The following RAB11FIP4 variants were observed in gnomAD, a reference collection of about 807,000 sequenced individuals.
RAB11FIP4 encodes the protein rab11 family-interacting protein 4.
Under a neutral mutation model 74.3 loss-of-function variants are expected in RAB11FIP4, and 23 were observed. The observed-to-expected ratio is 0.31, with a 90% CI of 0.22 to 0.44. The LOEUF (loss-of-function observed/expected upper bound fraction) is 0.44, where lower values mean the gene tolerates loss of function less well. Among genes scored for constraint, RAB11FIP4 ranks in the 20% least tolerant of loss-of-function variants. The pLI is 1.00. For synonymous variants in RAB11FIP4, 360 were observed against 359.9 expected (o/e 1.00, Z 0.00); for missense variants, 630 against 863.9 (o/e 0.73, Z 3.39).
rs2072467487 is a variant in RAB11FIP4, at chr17:31,512,370, G to A, written c.337-5281G>A. Reference sequence around the variant, plus strand: ...TCACTTGTCCAAGGTCACATGGCTTGTAAGTGGCTGGGCCAGCAGGGCCGG... The same window carrying A: ...TCACTTGTCCAAGGTCACATGGCTTATAAGTGGCTGGGCCAGCAGGGCCGG... On this transcript the variant is annotated intron_variant, in intron 3 of 14. Coordinates refer to ENST00000621161, the MANE Select transcript of RAB11FIP4 (RefSeq NM_032932.6). This position sits in a 1 kb window ranked among gnomAD's most constrained non-coding sequence, Gnocchi z 4.1. Among the ~76,000 whole-genome samples the A allele has an allele frequency of 2.6e-5, 4 of 152,190 alleles. No individual in the cohort carries two copies. In the South Asian group the frequency reaches 8.3e-4, roughly 31 times the overall value.
At chr17:31,411,281 G>C (rs975287267) in intron 1 of RAB11FIP4, among the ~76,000 whole-genome samples, 1 of 152,084 alleles carries the variant, frequency 6.6e-6, no homozygotes, top group South Asian at 2.1e-4. Flanking sequence ...GGAGAATAGC[G>C]TGAACCTGGG....
intron 4 of RAB11FIP4, 49 bp downstream of exon 4, chr17:31,517,926 A>G: frequency 6.9e-7 from 1 of 1,453,266 alleles, no homozygotes; most frequent in Non-Finnish European, 9.4e-7. Flanking sequence ...CAGCCCAGAA[A>G]TGTGGTTCTT....
rs1283181774 is a variant in RAB11FIP4 at position 31,532,949 on chromosome 17, T to G, written c.*1217T>G. 1 of 152,242 alleles carries G rather than the reference T, an allele frequency of 6.6e-6. No individual in the cohort carries two copies. Among genetic ancestry groups the G allele is most frequent in the Non-Finnish European group, 1.5e-5 (1 of 68,042 alleles). 9.4% of individuals were successfully genotyped at this position (152,242 alleles called of 1,614,324 possible). ...GATCTTTGTTCTAGGCAGCTGGGAA[T>G]AGACATGGTACTTACCTTAGAGTTT... is the stretch of plus-strand genomic sequence containing the variant. On this transcript the variant is annotated 3_prime_UTR_variant, in exon 15 of 15. Transcript: ENST00000621161.
At chr17:31,468,114 C>T (rs973132008) in intron 3 of RAB11FIP4, among the ~76,000 whole-genome samples, 4 of 152,114 alleles carry the variant, frequency 2.6e-5, no homozygotes, top group South Asian at 2.1e-4. Flanking sequence ...ATTTGGGTCA[C>T]GAGGGGTTGG....
intron 3 of RAB11FIP4, among the ~76,000 whole-genome samples, chr17:31,473,259 G>A (rs2071757268): frequency 6.6e-6 from 1 of 151,826 alleles, no homozygotes; most frequent in South Asian, 2.1e-4. Flanking sequence ...AATATCCCTG[G>A]CCAGTCACAG....
At chr17:31,445,416 C>A (rs73988067) in intron 3 of RAB11FIP4, among the ~76,000 whole-genome samples, 15,745 of 150,772 alleles carry the variant, frequency 0.1, 1,480 homozygotes, top group East Asian at 0.29. Context: ...AATACTTGGC[C>A]ATTCCTAAGA....
In RAB11FIP4 at chr17:31,453,355, C is replaced by CAAAAAAA. The variant is rs747844559; in HGVS notation, c.336+19252_336+19258dup. ...TGTACCATAGAGAGAGACCCTACCT[C>CAAAAAAA]AAAAAAAAAAAAAAAAAAAAAAAAA... On this transcript the variant is annotated intron_variant, in intron 3 of 14. Coordinates refer to ENST00000621161, the MANE Select transcript of RAB11FIP4 (RefSeq NM_032932.6). Among the ~76,000 whole-genome samples, 312 of 71,748 alleles carry CAAAAAAA rather than the reference C, an allele frequency of 4.3e-3. 2 individuals are homozygous for CAAAAAAA. The highest frequency in any genetic ancestry group is 0.017 in the African/African-American group (288 of 16,914). 47.1% of individuals were successfully genotyped at this position (71,748 alleles called of 152,430 possible). A position where few individuals can be genotyped will look rare whatever the true frequency, so the allele number is the denominator to read the frequency against.
rs181119213 is a variant in RAB11FIP4 at position 31,537,293 on chromosome 17, G to A, written c.*5561G>A. 162 of 398,598 alleles carry A rather than the reference G, an allele frequency of 4.1e-4. 1 individual carries two copies. Among genetic ancestry groups the A allele is most frequent in the African/African-American group, 3.0e-3 (148 of 48,720 alleles). 24.7% of individuals were successfully genotyped at this position (398,598 alleles called of 1,614,324 possible). A position where few individuals can be genotyped will look rare whatever the true frequency, so the allele number is the denominator to read the frequency against. On this transcript the variant is annotated 3_prime_UTR_variant, in exon 15 of 15. Transcript: ENST00000621161. ...GAGGCCAGCTCTCCCGGGCACATTC[G>A]TCCACAAGGATCAGGCCCCACTTAC...
intron 1 of RAB11FIP4, among the ~76,000 whole-genome samples, chr17:31,426,088 G>C (rs950694139): frequency 3.3e-5 from 5 of 152,208 alleles, no homozygotes; most frequent in African/African-American, 1.2e-4. Context: ...TCCAAGGCGA[G>C]GGGTCCCCAC....
chr17:31,515,019 T>C (rs2072520788), intron 3 of RAB11FIP4, among the ~76,000 whole-genome samples: 2 of 152,180 alleles, frequency 1.3e-5, no homozygotes, highest in Non-Finnish European at 2.9e-5. Context: ...TGCCCTGCCC[T>C]GCCCTCTGGC....
At chr17:31,514,217 G>T (rs1178028574) in intron 3 of RAB11FIP4, among the ~76,000 whole-genome samples, 1 of 152,258 alleles carries the variant, frequency 6.6e-6, no homozygotes, top group Non-Finnish European at 1.5e-5. Flanking sequence ...GGAGTATCAG[G>T]ACGCTGCTGT....
At chr17:31,431,342 C>T (rs2071307561) in intron 1 of RAB11FIP4, among the ~76,000 whole-genome samples, 1 of 152,128 alleles carries the variant, frequency 6.6e-6, no homozygotes, top group Non-Finnish European at 1.5e-5. Context: ...GTGCAAGGTA[C>T]AAATAGAACA....
intron 3 of RAB11FIP4, among the ~76,000 whole-genome samples, chr17:31,481,674 C>T (rs2071850720): frequency 6.6e-6 from 1 of 152,180 alleles, no homozygotes; most frequent in African/African-American, 2.4e-5. Flanking sequence ...TGGACTTCCT[C>T]CTCCCCTGCC....
At chr17:31,521,586 G>A (rs574116230) in intron 5 of RAB11FIP4, among the ~76,000 whole-genome samples, 40 of 152,032 alleles carry the variant, frequency 2.6e-4, no homozygotes, top group South Asian at 2.3e-3. Context: ...TGGGGGCCAC[G>A]GGGCTCTGTG....
intron 3 of RAB11FIP4, among the ~76,000 whole-genome samples, chr17:31,444,162 T>A (rs1246889319): frequency 6.6e-6 from 1 of 152,198 alleles, no homozygotes; most frequent in Non-Finnish European, 1.5e-5. Flanking sequence ...AAACCACTCA[T>A]GACAATGGCA....
chr17:31,519,756 A>G (rs1398709502), intron 4 of RAB11FIP4, among the ~76,000 whole-genome samples: 6 of 152,090 alleles, frequency 3.9e-5, no homozygotes, highest in East Asian at 3.9e-4. Context: ...CTCAAACTCA[A>G]GTGATTCTCA....
Position 31,464,219 on chromosome 17 carries a change from A to AC in RAB11FIP4, c.336+30104dup, listed in dbSNP as rs569933928. ...GAGACCTGTGCTGTCAGTGTGGGGG[A>AC]CCCCCCCAGCTTTCTCAGGCTGATC... On this transcript the variant is annotated intron_variant, in intron 3 of 14. Transcript: ENST00000621161. Among the ~76,000 whole-genome samples the AC allele has an allele frequency of 8.5e-4, 124 of 146,508 alleles. 1 individual carries two copies. The highest frequency in any genetic ancestry group is 2.8e-3 in the African/African-American group (111 of 39,584).
intron 2 of RAB11FIP4, among the ~76,000 whole-genome samples, chr17:31,433,780 C>T (rs1232450394): frequency 6.6e-6 from 1 of 152,196 alleles, no homozygotes; most frequent in Non-Finnish European, 1.5e-5. Context: ...CTTCCTGTTG[C>T]CCCAGCCTGC....
chr17:31,516,720 G>T (rs1328340161), intron 3 of RAB11FIP4, among the ~76,000 whole-genome samples: 1 of 151,830 alleles, frequency 6.6e-6, no homozygotes, highest in Non-Finnish European at 1.5e-5. Flanking sequence ...TGCCCGCCTT[G>T]GCCTCCCAAG....
Sources: allele counts gnomAD v4.1 joint callset (sites outside exome capture counted in the v4.1 genomes callset), GRCh38; gene constraint gnomAD v4.1.1; non-coding constraint Gnocchi (gnomAD v3.1); transcripts MANE v1.5; gene names NCBI Gene and HGNC (gene_info 2026-07-23, HGNC 2026-07-21).